Variants in MAP7 observed in about 807,000 individuals in gnomAD.
The protein encoded by MAP7 is ensconsin.
A neutral mutation model predicts 94.8 loss-of-function variants in MAP7; 52 were observed. The observed-to-expected ratio is 0.55, with a 90% confidence interval of 0.44 to 0.69. MAP7 has a LOEUF of 0.69. MAP7 is among the 30% of genes least tolerant of loss of function. The pLI, the probability that MAP7 is intolerant of heterozygous loss-of-function variation, is 0.00. For missense variants in MAP7, 940 were observed against 964.6 expected, an observed-to-expected ratio of 0.97 and a Z score of 0.34; for synonymous variants, 350 against 357.0, an observed-to-expected ratio of 0.98 and a Z score of 0.22.
intron 15 of MAP7, among the ~76,000 whole-genome samples, chr6:136,359,615 A>G (rs780355012): frequency 3.2e-4 from 48 of 152,198 alleles, no homozygotes; most frequent in Non-Finnish European, 6.6e-4. Flanking sequence ...ATTAGAGTAT[A>G]AACAAACGTG....
chr6:136,501,094 A>C (rs572014226), intron 1 of MAP7, among the ~76,000 whole-genome samples: 1 of 152,376 alleles, frequency 6.6e-6, no homozygotes, highest in South Asian at 2.1e-4. Context: ...AAGAAAAATA[A>C]AGAATAATAT....
Position 136,343,580 on chromosome 6 carries a change from C to G in MAP7, c.*648G>C, listed in dbSNP as rs1786965984. 6.6e-6 allele frequency: 1 copy of G among 152,322 alleles called. No individual in the cohort carries two copies. Among genetic ancestry groups the G allele is most frequent in the South Asian group, 2.1e-4 (1 of 4,828 alleles). The allele number at this position is 152,322 out of a possible 1,614,324, so 9.4% of individuals were successfully genotyped here. ...ATGTAAGAGGGCAGTAAATTATTTT[C>G]TTGCTTTGAAAAAATAATGTTTTTT... is the stretch of plus-strand genomic sequence containing the variant. On this transcript the variant is annotated 3_prime_UTR_variant, in exon 18 of 18. Transcript: ENST00000354570.
In MAP7 at chr6:136,550,270, G is replaced by A. The variant is rs540912822; in HGVS notation, c.67+72C>T. 116 of 1,315,368 alleles carry A rather than the reference G, an allele frequency of 8.8e-5. No homozygotes were observed. In the African/African-American group the frequency reaches 1.4e-3, roughly 16 times the overall value. The allele number at this position is 1,315,368 out of a possible 1,614,324, so 81.5% of individuals were successfully genotyped here. A position where few individuals can be genotyped will look rare whatever the true frequency, so the allele number is the denominator to read the frequency against. On this transcript the variant is annotated intron_variant, in intron 1 of 17. Coordinates refer to ENST00000354570, the MANE Select transcript of MAP7 (RefSeq NM_003980.6). This position sits in a 1 kb window ranked among gnomAD's most constrained non-coding sequence, Gnocchi z 5.1. ...GGGGCTGCCGGCGCCGGGTGATTTC[G>A]GTGCCAGCCCGCCGGCCCCGCTCGC...
intron 3 of MAP7, among the ~76,000 whole-genome samples, chr6:136,407,382 T>A (rs1785953415): frequency 6.6e-6 from 1 of 152,150 alleles, no homozygotes; most frequent in Non-Finnish European, 1.5e-5. Flanking sequence ...CAAGATATAG[T>A]ATATAGTGAA....
intron 1 of MAP7, among the ~76,000 whole-genome samples, chr6:136,496,847 G>T (rs540654162): frequency 1.3e-5 from 2 of 151,020 alleles, no homozygotes; most frequent in Admixed American, 6.6e-5. Context: ...CCAGCTACTC[G>T]GGAGGCTGAG....
At chr6:136,382,594 GA>G (rs1778101259) in intron 6 of MAP7, among the ~76,000 whole-genome samples, 2 of 152,072 alleles carry the variant, frequency 1.3e-5, no homozygotes, top group East Asian at 3.9e-4. Context: ...AAAACAAAAG[GA>G]AAGAGTTTTG....
At chr6:136,521,307 T>C (rs1001788737) in intron 1 of MAP7, among the ~76,000 whole-genome samples, 1 of 152,186 alleles carries the variant, frequency 6.6e-6, no homozygotes, top group Non-Finnish European at 1.5e-5. Context: ...TTATTTCTAA[T>C]GGGCAGATAT....
intron 1 of MAP7, among the ~76,000 whole-genome samples, chr6:136,506,109 A>G (rs1389865805): frequency 6.6e-6 from 1 of 152,178 alleles, no homozygotes; most frequent in Non-Finnish European, 1.5e-5. Flanking sequence ...TTCTTGAGTA[A>G]ATGCCAATTT....
At chr6:136,525,603 G>A (rs1156780503) in intron 1 of MAP7, among the ~76,000 whole-genome samples, 2 of 152,260 alleles carry the variant, frequency 1.3e-5, no homozygotes, top group Middle Eastern at 3.4e-3. Context: ...AGTAGCTTAA[G>A]TCAAAAAAGG....
intron 6 of MAP7, among the ~76,000 whole-genome samples, chr6:136,379,092 C>A (rs1777020775): frequency 6.6e-6 from 1 of 152,164 alleles, no homozygotes; most frequent in African/African-American, 2.4e-5. Context: ...CAGCAGGTGG[C>A]AAAGTCTCCT....
intron 1 of MAP7, among the ~76,000 whole-genome samples, chr6:136,477,900 T>C (rs557843280): frequency 3.9e-5 from 6 of 152,306 alleles, no homozygotes; most frequent in African/African-American, 7.2e-5. Context: ...TTGGAACATA[T>C]GTTAGGCCAC....
At chr6:136,492,907 T>A (rs1817047641) in intron 1 of MAP7, among the ~76,000 whole-genome samples, 1 of 152,080 alleles carries the variant, frequency 6.6e-6, no homozygotes, top group African/African-American at 2.4e-5. Context: ...AGAAATAGTG[T>A]ATATATATTT....
intron 1 of MAP7, among the ~76,000 whole-genome samples, chr6:136,494,666 G>T (rs1373919660): frequency 2.6e-5 from 4 of 152,000 alleles, no homozygotes; most frequent in African/African-American, 7.3e-5. Flanking sequence ...AATCCACAGG[G>T]ATCCCTCATT....
At chr6:136,549,071 C>T (rs1200946193) in intron 1 of MAP7, among the ~76,000 whole-genome samples, 1 of 152,210 alleles carries the variant, frequency 6.6e-6, no homozygotes, top group Non-Finnish European at 1.5e-5. Flanking sequence ...CCTCAGGTAT[C>T]TTGGCTGAAG....
chr6:136,480,153 A>G (rs1812257310), intron 1 of MAP7, among the ~76,000 whole-genome samples: 1 of 152,186 alleles, frequency 6.6e-6, no homozygotes, highest in East Asian at 1.9e-4. Context: ...GACACACAGA[A>G]CAATGGAACA....
At chr6:136,377,714 G>C in intron 7 of MAP7, 41 bp downstream of exon 7, 1 of 1,432,920 alleles carries the variant, frequency 7.0e-7, no homozygotes, top group South Asian at 1.1e-5. Context: ...TCAAAGGGAG[G>C]ACTTGACCTC....
At chr6:136,386,444 G>A (rs1319962679) in intron 5 of MAP7, among the ~76,000 whole-genome samples, 1 of 152,156 alleles carries the variant, frequency 6.6e-6, no homozygotes, top group Non-Finnish European at 1.5e-5. Context: ...AGAAATAAAT[G>A]TCATATATTA....
At chr6:136,376,257 C>T (rs1582720189) in intron 7 of MAP7, among the ~76,000 whole-genome samples, 1 of 152,128 alleles carries the variant, frequency 6.6e-6, no homozygotes, top group Admixed American at 6.6e-5. Context: ...CGCCACCACG[C>T]CCGGCTAATT....
At chr6:136,397,581 G>T (rs1030279560) in intron 3 of MAP7, among the ~76,000 whole-genome samples, 3 of 151,102 alleles carry the variant, frequency 2.0e-5, no homozygotes, top group Non-Finnish European at 4.4e-5. Flanking sequence ...CCTTTAGGAG[G>T]TAATTAAGAC....
Sources: gnomAD v4.1 joint callset for allele counts (sites outside exome capture counted in the v4.1 genomes callset) on GRCh38, gnomAD v4.1.1 for gene constraint, Gnocchi (gnomAD v3.1) non-coding constraint, MANE v1.5 for transcripts, NCBI Gene and HGNC (gene_info 2026-07-23, HGNC 2026-07-21) for gene names.